Variants in CPEB4 observed in about 807,000 individuals in gnomAD.
The protein encoded by CPEB4 is cytoplasmic polyadenylation element-binding protein 4.
A neutral mutation model predicts 72.5 loss-of-function variants in CPEB4; 12 were observed. The ratio of observed to expected loss-of-function variants is 0.17; its 90% confidence interval spans 0.11 to 0.27. The LOEUF (loss-of-function observed/expected upper bound fraction) is 0.27. CPEB4 is among the 10% of genes least tolerant of loss of function. CPEB4 has a pLI of 1.00. For synonymous variants in CPEB4, 302 were observed against 326.3 expected (o/e 0.93, Z 0.80); for missense variants, 614 against 908.5 (o/e 0.68, Z 4.17).
intron 1 of CPEB4, among the ~76,000 whole-genome samples, chr5:173,895,978 T>TA (rs2113127129): frequency 6.6e-6 from 1 of 152,354 alleles, no homozygotes; most frequent in African/African-American, 2.4e-5. Flanking sequence ...AGATGCTACT[T>TA]AGCTCATGAG....
At chr5:173,951,312 A>T (rs1255525777) in intron 7 of CPEB4, among the ~76,000 whole-genome samples, 1 of 140,762 alleles carries the variant, frequency 7.1e-6, no homozygotes, top group Non-Finnish European at 1.6e-5. Context: ...AGTATTTGTC[A>T]TAAAAAAAAA....
chr5:173,936,880 A>T (rs2113251925), intron 3 of CPEB4, among the ~76,000 whole-genome samples: 1 of 151,900 alleles, frequency 6.6e-6, no homozygotes, highest in African/African-American at 2.4e-5. Flanking sequence ...CTACTTCAAA[A>T]ATGAACCTTG....
At chr5:173,906,850 TA>T (rs1756453763) in intron 1 of CPEB4, among the ~76,000 whole-genome samples, 1 of 152,240 alleles carries the variant, frequency 6.6e-6, no homozygotes, top group Non-Finnish European at 1.5e-5. Flanking sequence ...TAATGTACTT[TA>T]CCAGTTAGAA....
chr5:173,900,415 A>G lies in CPEB4; in HGVS notation c.1125+9557A>G, dbSNP rs1756188450. Among the ~76,000 whole-genome samples, 2 of 152,062 alleles carry G rather than the reference A, an allele frequency of 1.3e-5. No homozygotes were observed. Among genetic ancestry groups the G allele is most frequent in the South Asian group, 4.1e-4 (2 of 4,820 alleles). The stretch of plus-strand genomic sequence containing the variant: ...AGCGGAACTCTGTCTCAAAAAAAAA[A>G]AAAGTTGTACATTAGGGTGGACCCC... On this transcript the variant is annotated intron_variant, in intron 1 of 9. Transcript: ENST00000265085. This position sits in a 1 kb window ranked among gnomAD's most constrained non-coding sequence, Gnocchi z 4.4.
intron 3 of CPEB4, 105 bp downstream of exon 3, chr5:173,932,605 A>G (rs543245015): frequency 1.0e-5 from 8 of 775,794 alleles, no homozygotes; most frequent in Non-Finnish European, 1.4e-5. Flanking sequence ...TGATAACTGT[A>G]AGTTGCTATT....
rs1405490131 is a variant in CPEB4 at position 173,959,107 on chromosome 5, T to A, written c.*2970T>A. On this transcript the variant is annotated 3_prime_UTR_variant, in exon 10 of 10. Transcript: ENST00000265085. ...ATGGGATTGTAGTTGGGAGTTACCA[T>A]GTAACTCAAACATAATTAACATGTA... The A allele has an allele frequency of 1.3e-5, 2 of 152,674 alleles. No homozygotes were observed. The highest frequency in any genetic ancestry group is 2.9e-5 in the Non-Finnish European group (2 of 68,012). The allele number at this position is 152,674 out of a possible 1,614,324, so 9.5% of individuals were successfully genotyped here.
chr5:173,930,721 G>T (rs184578218), intron 2 of CPEB4, among the ~76,000 whole-genome samples: 2 of 152,168 alleles, frequency 1.3e-5, no homozygotes, highest in Admixed American at 1.3e-4. Flanking sequence ...GGGCGCAGTG[G>T]CTCACTCCTG....
intron 5 of CPEB4, among the ~76,000 whole-genome samples, chr5:173,947,800 C>A (rs1303196841): frequency 1.3e-5 from 2 of 152,096 alleles, no homozygotes; most frequent in Non-Finnish European, 2.9e-5. Flanking sequence ...ATATAGAGCA[C>A]CTGTAACTTA....
chr5:173,920,689 T>C (rs988197620), intron 2 of CPEB4, among the ~76,000 whole-genome samples: 2 of 152,200 alleles, frequency 1.3e-5, no homozygotes, highest in Non-Finnish European at 2.9e-5. Flanking sequence ...ATCTTTACAT[T>C]ACCATCAGCA....
chr5:173,905,008 AATAATAAT>A (rs1756378317), intron 1 of CPEB4, among the ~76,000 whole-genome samples: 2 of 124,918 alleles, frequency 1.6e-5, no homozygotes, highest in South Asian at 5.1e-4. Context: ...TAATAATAAT[AATAATAAT>A]AAAAAAATGT....
At chr5:173,905,145 G>A (rs999837113) in intron 1 of CPEB4, among the ~76,000 whole-genome samples, 9 of 151,926 alleles carry the variant, frequency 5.9e-5, no homozygotes, top group Admixed American at 3.3e-4. Context: ...TCCCTTTAGG[G>A]TGCCAAGAGA....
rs1054403947 is a variant in CPEB4 at position 173,890,329 on chromosome 5, C to T, written c.596C>T (p.Ser199Leu). 1.2e-6 allele frequency: 2 copies of T among 1,614,170 alleles called. No individual in the cohort carries two copies. ...FFHQGGVPAASANNGALLFQN... is the reference protein window; with the variant it reads ...FFHQGGVPAALANNGALLFQN... ...CACCAGGGAGGGGTCCCTGCTGCTT[C>T]GGCTAATAACGGTGCTCTGTTGTTT... Residue 199 changes from serine to leucine, a missense_variant, in exon 1 of 10, where the codon TCG becomes TTG. Coordinates refer to ENST00000265085, the MANE Select transcript of CPEB4 (RefSeq NM_030627.4).
intron 1 of CPEB4, among the ~76,000 whole-genome samples, chr5:173,892,554 G>A (rs944311775): frequency 2.2e-4 from 33 of 152,254 alleles, no homozygotes; most frequent in African/African-American, 7.7e-4. Flanking sequence ...ACTGGATTAA[G>A]ATTTGGCTCA....
In CPEB4 at chr5:173,890,120, G is replaced by A. The variant is rs1266021675; in HGVS notation, c.387G>A (p.Gly129=). The change falls in exon 1 of 10, where the codon GGG becomes GGA. Residue 129 remains glycine (G), a synonymous_variant. Transcript: ENST00000265085. The part of the protein sequence containing the change: ...QGDNSSENGN[G]KEKIRIESPV... ...ACAATTCTTCGGAAAATGGCAATGGGAAGGAGAAAATAAGGATCGAATCTC... is the reference window on the plus strand; with the variant it reads ...ACAATTCTTCGGAAAATGGCAATGGAAAGGAGAAAATAAGGATCGAATCTC... 72 of 1,614,044 alleles carry A rather than the reference G, an allele frequency of 4.5e-5. No individual in the cohort carries two copies. Among genetic ancestry groups the A allele is most frequent in the Non-Finnish European group, 5.9e-5 (70 of 1,180,050 alleles).
chr5:173,917,436 AAAG>A (rs1298520292), intron 2 of CPEB4, among the ~76,000 whole-genome samples: 5 of 152,354 alleles, frequency 3.3e-5, no homozygotes, highest in East Asian at 3.9e-4. Flanking sequence ...AAAGTACCAT[AAAG>A]AAGAAGTGGA....
At position 173,905,420 on chromosome 5, in the gene CPEB4, G is replaced by T. The variant is rs546907882; in HGVS notation, c.1126-5103G>T. Among the ~76,000 whole-genome samples, 12 of 151,270 alleles carry T rather than the reference G, an allele frequency of 7.9e-5. No individual in the cohort carries two copies. In the South Asian group the frequency reaches 1.9e-3, roughly 24 times the overall value. ...TGTGATCTCAGCTCACTGCAACCCC[G>T]CCTCCCAGGTTCAAACGATTCTCCT... On this transcript the variant is annotated intron_variant, in intron 1 of 9. Transcript: ENST00000265085.
intron 2 of CPEB4, among the ~76,000 whole-genome samples, chr5:173,920,493 G>A (rs1436460400): frequency 6.6e-6 from 1 of 152,214 alleles, no homozygotes; most frequent in Non-Finnish European, 1.5e-5. Flanking sequence ...CCAGCTGCCT[G>A]ATTTCTTTAT....
chr5:173,898,874 C>T (rs564492277), intron 1 of CPEB4, among the ~76,000 whole-genome samples: 1 of 152,318 alleles, frequency 6.6e-6, no homozygotes, highest in South Asian at 2.1e-4. Flanking sequence ...CCATGTTGGC[C>T]AGGCTGGTCT....
chr5:173,910,473 A>G (rs1756612941), intron 1 of CPEB4, 50 bp from the exon 2 acceptor site: 2 of 1,280,208 alleles, frequency 1.6e-6, no homozygotes, highest in Non-Finnish European at 2.3e-6. Flanking sequence ...GTCCTCTTTT[A>G]TATTTAAATG....
Sources: gnomAD v4.1 joint callset for allele counts (sites outside exome capture counted in the v4.1 genomes callset) on GRCh38, gnomAD v4.1.1 for gene constraint, Gnocchi (gnomAD v3.1) non-coding constraint, MANE v1.5 for transcripts, NCBI Gene and HGNC (gene_info 2026-07-23, HGNC 2026-07-21) for gene names.